JAKMIP3: variants seen among roughly 807,000 people sequenced by gnomAD.
The protein encoded by JAKMIP3 is Janus kinase and microtubule interacting protein 3, also known as janus kinase and microtubule-interacting protein 3.
In JAKMIP3, 58 loss-of-function variants were observed where a neutral mutation model predicts 118.5. The observed-to-expected ratio is 0.49, with a 90% CI of 0.40 to 0.61. JAKMIP3 has a LOEUF of 0.61. JAKMIP3 is among the 20% of genes least tolerant of loss of function. JAKMIP3 has a pLI of 0.00. For missense variants in JAKMIP3, 950 were observed against 1,109.0 expected (o/e 0.86, Z 2.04); for synonymous variants, 486 against 451.2 (o/e 1.08, Z -0.98).
chr10:132,119,861 G>A (rs1280576744), intron 3 of JAKMIP3, among the ~76,000 whole-genome samples: 1 of 152,166 alleles, frequency 6.6e-6, no homozygotes, highest in African/African-American at 2.4e-5. Context: ...ATTAATTGAT[G>A]AGGAAACAAG....
intron 23 of JAKMIP3, among the ~76,000 whole-genome samples, chr10:132,171,480 G>A (rs981746940): frequency 9.2e-5 from 14 of 152,124 alleles, no homozygotes; most frequent in African/African-American, 1.4e-4. Flanking sequence ...TAAATGAGAC[G>A]CGAGACGTTA....
Position 132,127,417 on chromosome 10 carries a change from T to TGTGTGTGTGC in JAKMIP3, c.634-5894_634-5893insTGTGTGTGCG, listed in dbSNP as rs34435836. ...TTGTGTGTGTGTGTGTGTGTGTGTGTGCGTGTGTGTGTGTTTTAGTAGAGA... is the reference window on the plus strand; with the variant it reads ...TTGTGTGTGTGTGTGTGTGTGTGTGTGTGTGTGTGCGCGTGTGTGTGTGTTTTAGTAGAGA... On this transcript the variant is annotated intron_variant, in intron 3 of 23. Coordinates refer to ENST00000684848, the MANE Select transcript of JAKMIP3 (RefSeq NM_001323087.2). Among the ~76,000 whole-genome samples, 206 of 150,078 alleles carry TGTGTGTGTGC rather than the reference T, an allele frequency of 1.4e-3. 1 individual carries two copies. The highest frequency in any genetic ancestry group is 4.8e-3 in the African/African-American group (196 of 40,414).
At chr10:132,122,471 G>T (rs1339591077) in intron 3 of JAKMIP3, among the ~76,000 whole-genome samples, 1 of 152,292 alleles carries the variant, frequency 6.6e-6, no homozygotes, top group Non-Finnish European at 1.5e-5. Flanking sequence ...GATGGGGAGA[G>T]ACTGGAGGGG....
chr10:132,180,734 TGTGCGTGCGTGCGC>T (rs2061178325), intron 23 of JAKMIP3, among the ~76,000 whole-genome samples: 4 of 12,664 alleles, frequency 3.2e-4, no homozygotes, highest in Non-Finnish European at 5.2e-4. Context: ...TGTGTGCGTG[TGTGCGTGCGTGCGC>T]GCGCGTGTGT....
At chr10:132,051,464 A>G (rs1020432829) in intron 1 of JAKMIP3, among the ~76,000 whole-genome samples, 1 of 151,614 alleles carries the variant, frequency 6.6e-6, no homozygotes, top group East Asian at 1.9e-4. Flanking sequence ...TTTAATGACC[A>G]TTTCCCTGCC....
intron 19 of JAKMIP3, among the ~76,000 whole-genome samples, chr10:132,156,311 A>G (rs2057087898): frequency 6.6e-6 from 1 of 152,120 alleles, no homozygotes; most frequent in African/African-American, 2.4e-5. Context: ...GATTGCTGGC[A>G]TGGACAGGTT....
chr10:132,077,229 G>A (rs990843878), intron 1 of JAKMIP3, among the ~76,000 whole-genome samples: 6 of 152,124 alleles, frequency 3.9e-5, no homozygotes, highest in East Asian at 1.9e-4. Flanking sequence ...CCCCTCTCCC[G>A]GTGACCTGGG....
rs2061689795 is a variant in JAKMIP3 at position 132,184,328 on chromosome 10, A to G, written c.*3075A>G. The G allele has an allele frequency of 6.6e-6, 1 of 152,206 alleles. No individual in the cohort carries two copies. The highest frequency in any genetic ancestry group is 1.5e-5 in the Non-Finnish European group (1 of 68,042). 9.4% of individuals were successfully genotyped at this position (152,206 alleles called of 1,614,324 possible). On this transcript the variant is annotated 3_prime_UTR_variant, in exon 24 of 24. Coordinates refer to ENST00000684848, the MANE Select transcript of JAKMIP3 (RefSeq NM_001323087.2). ...AGGGCTTGTGAACACCGATACTAGA[A>G]GTCAAAAAGAAGAGAGTGCCCAAGT...
rs1176843753 is a variant in JAKMIP3 at position 132,104,718 on chromosome 10, G to A, written c.-91G>A. The A allele has an allele frequency of 5.2e-6, 7 of 1,338,854 alleles. No homozygotes were observed. The Admixed American group carries it at 1.5e-4, about 28-fold the overall frequency. The allele number at this position is 1,338,854 out of a possible 1,614,324, so 82.9% of individuals were successfully genotyped here. A position where few individuals can be genotyped will look rare whatever the true frequency, so the allele number is the denominator to read the frequency against. On this transcript the variant is annotated 5_prime_UTR_variant, in exon 2 of 24. Transcript: ENST00000684848. The stretch of plus-strand genomic sequence containing the variant: ...GACAGCAGCCCGGGTGACACCTGCT[G>A]GGAGCTTGGCGTGGACACCCCAGCC...
chr10:132,064,369 G>T (rs1161879646), upstream of JAKMIP3, among the ~76,000 whole-genome samples: 1 of 152,298 alleles, frequency 6.6e-6, no homozygotes, highest in Admixed American at 6.5e-5. The surrounding 1 kb of genome is among the most constrained non-coding windows in gnomAD (Gnocchi z 4.4). Context: ...CACTGCCCTC[G>T]TCAGGAAGGT....
rs113911960 is a variant in JAKMIP3 at position 132,179,822 on chromosome 10, T to G, written c.*1104-2535T>G. Among the ~76,000 whole-genome samples, 2 of 151,326 alleles carry G rather than the reference T, an allele frequency of 1.3e-5. No individual in the cohort carries two copies. Among genetic ancestry groups the G allele is most frequent in the Admixed American group, 1.3e-4 (2 of 15,262 alleles). On this transcript the variant is annotated intron_variant, in intron 23 of 23. Transcript: ENST00000684848. This position sits in a 1 kb window ranked among gnomAD's most constrained non-coding sequence, Gnocchi z 4.3. The stretch of plus-strand genomic sequence containing the variant: ...ATCGCAGCCCTATAATCGGGAGGCA[T>G]GGCTGGATCTGCAAGGGAAGAGTTC...
intron 23 of JAKMIP3, among the ~76,000 whole-genome samples, chr10:132,180,760 C>T (rs28644274): frequency 0.011 from 160 of 14,726 alleles, 30 homozygotes; most frequent in African/African-American, 0.036. Context: ...CGCGTGTGTG[C>T]GTGTGTGTGC....
At chr10:132,180,624 T>TGCGCGC (rs1319137751) in intron 23 of JAKMIP3, among the ~76,000 whole-genome samples, 1 of 18,080 alleles carries the variant, frequency 5.5e-5, no homozygotes, top group African/African-American at 2.6e-4. Flanking sequence ...TGCGTGTGTG[T>TGCGCGC]GCGTGTGTGC....
At chr10:132,135,597 C>T (rs191287198) in intron 5 of JAKMIP3, among the ~76,000 whole-genome samples, 1 of 152,238 alleles carries the variant, frequency 6.6e-6, no homozygotes, top group Non-Finnish European at 1.5e-5. Flanking sequence ...AGCGCTGGCC[C>T]CAGACTGCTG....
intron 3 of JAKMIP3, among the ~76,000 whole-genome samples, chr10:132,120,965 T>A (rs2048449297): frequency 6.6e-6 from 1 of 152,168 alleles, no homozygotes; most frequent in Non-Finnish European, 1.5e-5. Flanking sequence ...CAGCGTGGTG[T>A]CCAGCCTGGG....
chr10:132,180,742 C>CGTGTGTGTGT lies in JAKMIP3; in HGVS notation c.*1104-1612_*1104-1611insTGTGTGTGTG, dbSNP rs1262889146. Among the ~76,000 whole-genome samples the CGTGTGTGTGT allele has an allele frequency of 1.0e-3, 9 of 8,716 alleles. 1 individual carries two copies. The highest frequency in any genetic ancestry group is 1.2e-3 in the African/African-American group (2 of 1,726). 5.7% of individuals were successfully genotyped at this position (8,716 alleles called of 152,430 possible). ...GTGCGTGTGTGTGCGTGTGTGCGTGCGTGCGCGCGCGTGTGTGCGTGTGTG... is the reference window on the plus strand; with the variant it reads ...GTGCGTGTGTGTGCGTGTGTGCGTGCGTGTGTGTGTGTGCGCGCGCGTGTGTGCGTGTGTG... On this transcript the variant is annotated intron_variant, in intron 23 of 23. Transcript: ENST00000684848.
Position 132,164,777 on chromosome 10 carries a change from G to T in JAKMIP3, c.2490+42G>T, listed in dbSNP as rs552435502. On this transcript the variant is annotated intron_variant, in intron 21 of 23. Coordinates refer to ENST00000684848, the MANE Select transcript of JAKMIP3 (RefSeq NM_001323087.2). ...TTTGGGGGTTGCTTGTTAAGATCAA[G>T]GGAGAGGAACCCGGTGTCACCCCGA... The T allele has an allele frequency of 4.9e-5, 69 of 1,401,696 alleles. No homozygotes were observed. In the East Asian group the frequency reaches 1.4e-3, roughly 29 times the overall value. The allele number at this position is 1,401,696 out of a possible 1,614,324, so 86.8% of individuals were successfully genotyped here.
intron 1 of JAKMIP3, among the ~76,000 whole-genome samples, chr10:132,045,952 A>G (rs1393424535): frequency 1.4e-5 from 2 of 146,558 alleles, no homozygotes; most frequent in Admixed American, 1.4e-4. Flanking sequence ...AAAAAAATAC[A>G]CACACTCTTT....
chr10:132,087,832 T>C (rs2042590236), intron 1 of JAKMIP3, among the ~76,000 whole-genome samples: 1 of 152,026 alleles, frequency 6.6e-6, no homozygotes, highest in Non-Finnish European at 1.5e-5. Context: ...ACATTAGGTA[T>C]ATCTCCTAAT....
Sources: gnomAD v4.1 joint callset for allele counts (sites outside exome capture counted in the v4.1 genomes callset) on GRCh38, gnomAD v4.1.1 for gene constraint, Gnocchi (gnomAD v3.1) non-coding constraint, MANE v1.5 for transcripts, NCBI Gene and HGNC (gene_info 2026-07-23, HGNC 2026-07-21) for gene names.